TMEM45A: variants seen among roughly 807,000 people sequenced by gnomAD.
The protein encoded by TMEM45A is DNA polymerase-transactivated protein 4.
Under a neutral mutation model 32.0 loss-of-function variants are expected in TMEM45A, and 25 were observed. The observed-to-expected ratio is 0.78, with a 90% confidence interval of 0.57 to 1.09. The LOEUF (loss-of-function observed/expected upper bound fraction) is 1.09. TMEM45A is among the 50% of genes least tolerant of loss of function. The pLI, the probability that TMEM45A is intolerant of heterozygous loss-of-function variation, is 0.00. For missense variants in TMEM45A, 302 were observed against 325.0 expected, an observed-to-expected ratio of 0.93 and a Z score of 0.54; for synonymous variants, 122 against 114.8, an observed-to-expected ratio of 1.06 and a Z score of -0.40.
At chr3:100,558,696 G>C in intron 4 of TMEM45A, 107 bp downstream of exon 4, 1 of 1,123,596 alleles carries the variant, frequency 8.9e-7, no homozygotes, top group Non-Finnish European at 1.3e-6. Context: ...CATACTGCCT[G>C]TAGTAAGATC....
chr3:100,567,646 T>A (rs535771618), intron 4 of TMEM45A, among the ~76,000 whole-genome samples: 11 of 152,254 alleles, frequency 7.2e-5, no homozygotes, highest in African/African-American at 2.6e-4. Flanking sequence ...ATGAGATAGC[T>A]TTCCATTTAT....
chr3:100,548,388 A>G (rs1342213895), intron 1 of TMEM45A, among the ~76,000 whole-genome samples: 4 of 152,124 alleles, frequency 2.6e-5, no homozygotes, highest in Admixed American at 2.6e-4. Context: ...AAGAAGAGAC[A>G]CTCATCCTCT....
intron 1 of TMEM45A, among the ~76,000 whole-genome samples, chr3:100,554,173 T>G (rs1706167211): frequency 6.6e-6 from 1 of 151,840 alleles, no homozygotes; most frequent in Non-Finnish European, 1.5e-5. Flanking sequence ...CTCACATAAT[T>G]CTTTTTTTTT....
intron 1 of TMEM45A, among the ~76,000 whole-genome samples, chr3:100,528,285 A>G (rs1485028310): frequency 1.3e-5 from 2 of 152,172 alleles, no homozygotes; most frequent in Non-Finnish European, 2.9e-5. Flanking sequence ...GTAAGGCTCT[A>G]TATTTGGTTT....
intron 1 of TMEM45A, among the ~76,000 whole-genome samples, chr3:100,502,127 C>T (rs1032354191): frequency 1.3e-5 from 2 of 151,722 alleles, no homozygotes; most frequent in African/African-American, 4.8e-5. Flanking sequence ...CCAAATAGAC[C>T]TACATTTTAT....
chr3:100,569,843 G>A (rs1421862536), intron 5 of TMEM45A, among the ~76,000 whole-genome samples: 1 of 152,150 alleles, frequency 6.6e-6, no homozygotes, highest in African/African-American at 2.4e-5. Context: ...AAAATACAGT[G>A]CAATATACAG....
At chr3:100,542,113 T>C (rs758703121) in intron 1 of TMEM45A, among the ~76,000 whole-genome samples, 1 of 152,212 alleles carries the variant, frequency 6.6e-6, no homozygotes, top group African/African-American at 2.4e-5. Flanking sequence ...TTCTTTTTGC[T>C]TAGGATTGCT....
intron 1 of TMEM45A, among the ~76,000 whole-genome samples, chr3:100,546,012 C>T (rs1027842125): frequency 6.6e-6 from 1 of 152,128 alleles, no homozygotes; most frequent in Admixed American, 6.5e-5. Context: ...AAATTAGAAC[C>T]TTTACCAGAT....
intron 5 of TMEM45A, chr3:100,573,634 C>G (rs893753482): frequency 1.3e-5 from 2 of 152,142 alleles, no homozygotes; most frequent in African/African-American, 4.8e-5. Context: ...ACTTCCAACA[C>G]TATGTTGAAT....
intron 1 of TMEM45A, among the ~76,000 whole-genome samples, chr3:100,516,608 G>A (rs1243471703): frequency 6.6e-6 from 1 of 152,040 alleles, no homozygotes; most frequent in East Asian, 1.9e-4. Flanking sequence ...CCAGACTCAT[G>A]ATTGCCTTTC....
intron 1 of TMEM45A, among the ~76,000 whole-genome samples, chr3:100,535,591 A>G (rs1442964988): frequency 6.6e-6 from 1 of 152,210 alleles, no homozygotes; most frequent in Non-Finnish European, 1.5e-5. Context: ...CTAATTGGCC[A>G]GCTCTTTCAA....
At chr3:100,542,053 CT>C (rs1397217912) in intron 1 of TMEM45A, among the ~76,000 whole-genome samples, 2 of 152,084 alleles carry the variant, frequency 1.3e-5, no homozygotes, top group Non-Finnish European at 2.9e-5. Flanking sequence ...TTACTGTAGT[CT>C]TATAGTAAAG....
At chr3:100,555,897 T>C (rs577752080) in intron 2 of TMEM45A, among the ~76,000 whole-genome samples, 3 of 152,338 alleles carry the variant, frequency 2.0e-5, no homozygotes, top group Non-Finnish European at 2.9e-5. Flanking sequence ...CCAAATTCTA[T>C]AGATTAACAA....
intron 4 of TMEM45A, among the ~76,000 whole-genome samples, chr3:100,567,835 A>C (rs1706475099): frequency 6.6e-6 from 1 of 151,982 alleles, no homozygotes; most frequent in South Asian, 2.1e-4. Context: ...CCCAGGCTGG[A>C]GAGCAGTGGC....
At chr3:100,562,406 A>G (rs1260373798) in intron 4 of TMEM45A, among the ~76,000 whole-genome samples, 1 of 152,190 alleles carries the variant, frequency 6.6e-6, no homozygotes, top group Non-Finnish European at 1.5e-5. Flanking sequence ...CTTTCACTGT[A>G]GTCACATCAG....
Position 100,556,834 on chromosome 3 carries a change from C to T in TMEM45A, c.265C>T (p.Gln89Ter). ...TGACTATAAACAAGGTCACTGGAAT[C>T]AACTCCTGGGCTGGCATCATTTCAC... Reference protein sequence around the residue: ...LYDYKQGHWNQLLGWHHFTMY... With the variant: ...LYDYKQGHWN Residue 89 changes from glutamine to a stop codon, truncating the protein, a stop_gained, in exon 3 of 6, where the codon CAA (glutamine) becomes TAA (stop). Transcript: ENST00000323523. LOFTEE classifies it high-confidence loss of function. 1 of 1,614,138 alleles carries T rather than the reference C, an allele frequency of 6.2e-7. No homozygotes were observed. Among genetic ancestry groups the T allele is most frequent in the Non-Finnish European group, 8.5e-7 (1 of 1,180,022 alleles).
intron 5 of TMEM45A, chr3:100,573,038 G>A (rs1404461799): frequency 6.6e-6 from 1 of 151,418 alleles, no homozygotes; most frequent in African/African-American, 2.4e-5. Context: ...GTAGCATGAT[G>A]CCTCCAGCTT....
At chr3:100,501,263 T>C (rs2148926634) in intron 1 of TMEM45A, among the ~76,000 whole-genome samples, 1 of 152,324 alleles carries the variant, frequency 6.6e-6, no homozygotes, top group East Asian at 1.9e-4. Flanking sequence ...ACCTAACCAA[T>C]GTACAGCTGA....
chr3:100,536,132 A>T (rs1705735705), intron 1 of TMEM45A, among the ~76,000 whole-genome samples: 1 of 152,166 alleles, frequency 6.6e-6, no homozygotes, highest in Non-Finnish European at 1.5e-5. Context: ...AGGCTACTAA[A>T]CATCCTACAA....
Sources: gnomAD v4.1 joint callset for allele counts (sites outside exome capture counted in the v4.1 genomes callset) on GRCh38, gnomAD v4.1.1 for gene constraint, MANE v1.5 for transcripts, NCBI Gene and HGNC (gene_info 2026-07-23, HGNC 2026-07-21) for gene names.